The following ZNF350 variants were observed in gnomAD, a reference collection of about 807,000 sequenced individuals.
ZNF350 encodes KRAB zinc finger protein ZFQR.
A neutral mutation model predicts 13.1 loss-of-function variants in ZNF350; 5 were observed. The ratio of observed to expected loss-of-function variants is 0.38; its 90% CI spans 0.20 to 0.80. The LOEUF (loss-of-function observed/expected upper bound fraction) is 0.80, where lower values mean the gene tolerates loss of function less well. Among genes scored for constraint, ZNF350 ranks in the 30% least tolerant of loss-of-function variants. The probability of loss-of-function intolerance (pLI) is 0.43; values close to 1 mark genes in which losing one functional copy is unlikely to be tolerated. For synonymous variants in ZNF350, 199 were observed against 224.2 expected (o/e 0.89, Z 1.00); for missense variants, 534 against 644.2 (o/e 0.83, Z 1.85).
At chr19:51,967,127 A>G (rs2085602959) in intron 4 of ZNF350, among the ~76,000 whole-genome samples, 1 of 152,220 alleles carries the variant, frequency 6.6e-6, no homozygotes, top group Admixed American at 6.5e-5. Flanking sequence ...CTAATAATAA[A>G]GACAGATTTG....
In ZNF350 at chr19:51,969,050, A is replaced by G. The variant is rs547432429; in HGVS notation, c.97T>C (p.Tyr33His). 1 of 1,614,132 alleles carries G rather than the reference A, an allele frequency of 6.2e-7. No homozygotes were observed. The highest frequency in any genetic ancestry group is 1.1e-5 in the South Asian group (1 of 91,088). ...TAGTTCTCCAACATCACATCCCGGT[A>G]CAGGTCCTTCTGAGCAGCGCCCAGG... ...QLLGAAQKDLYRDVMLENYSN... is the reference protein window; with the variant it reads ...QLLGAAQKDLHRDVMLENYSN... The change falls in exon 3 of 5, where the codon TAC becomes CAC. Residue 33 changes from tyrosine to histidine, a missense_variant. Transcript: ENST00000243644.
intron 1 of ZNF350, among the ~76,000 whole-genome samples, chr19:51,986,053 G>A (rs562124758): frequency 3.9e-4 from 60 of 152,228 alleles, no homozygotes; most frequent in African/African-American, 1.4e-3. Context: ...TGAATGCAGA[G>A]GTTGGCAACA....
At chr19:51,986,170 A>G (rs1412825666) in intron 1 of ZNF350, among the ~76,000 whole-genome samples, 1 of 152,192 alleles carries the variant, frequency 6.6e-6, no homozygotes, top group Middle Eastern at 3.4e-3. Context: ...TGACCCCCCG[A>G]TCTGTAAATA....
At chr19:51,972,947 C>CTT (rs375399970) in intron 2 of ZNF350, 8,351 of 129,414 alleles carry the variant, frequency 0.065, 575 homozygotes, top group African/African-American at 0.16. Flanking sequence ...CAGCCAGAAA[C>CTT]TTTTTTTTTT....
intron 2 of ZNF350, 200 bp downstream of exon 2, chr19:51,974,146 A>G: frequency 2.0e-6 from 1 of 489,900 alleles, no homozygotes; most frequent in Non-Finnish European, 3.6e-6. Flanking sequence ...AAAATTCATA[A>G]TTTAGTGTTA....
rs1310351864 is a variant in ZNF350, at chr19:51,965,620, T to C, written c.833A>G (p.Asn278Ser). 6.2e-7 allele frequency: 1 copy of C among 1,614,094 alleles called. No individual in the cohort carries two copies. The highest frequency in any genetic ancestry group is 8.5e-7 in the Non-Finnish European group (1 of 1,180,042). Residue 278 changes from asparagine to serine, a missense_variant, in exon 5 of 5, where the codon AAC becomes AGC. Physicochemically the swap from Asn to Ser is conservative, Grantham distance 46 (BLOSUM62 1). Transcript: ENST00000243644. ...GKAFLKKSRLNIHQKTHTGEK... is the reference protein window; with the variant it reads ...GKAFLKKSRLSIHQKTHTGEK... ...TCCGGTATGTGTTTTCTGATGTATGTTGAGCCGTGATTTCTTGAGAAAGGC... is the reference window on the plus strand; with the variant it reads ...TCCGGTATGTGTTTTCTGATGTATGCTGAGCCGTGATTTCTTGAGAAAGGC...
At chr19:51,970,497 TA>T (rs1339313360) in intron 2 of ZNF350, among the ~76,000 whole-genome samples, 1 of 152,162 alleles carries the variant, frequency 6.6e-6, no homozygotes, top group South Asian at 2.1e-4. Flanking sequence ...TTCAGATGCT[TA>T]AAAAATATAT....
chr19:51,971,912 C>T (rs1441576502), intron 2 of ZNF350, among the ~76,000 whole-genome samples: 1 of 152,168 alleles, frequency 6.6e-6, no homozygotes, highest in Non-Finnish European at 1.5e-5. Flanking sequence ...GGCCTAGTGA[C>T]TTACCTCTAT....
chr19:51,980,427 TG>T (rs2086004875), intron 1 of ZNF350, among the ~76,000 whole-genome samples: 1 of 152,238 alleles, frequency 6.6e-6, no homozygotes, highest in Non-Finnish European at 1.5e-5. Flanking sequence ...TGATATCTTC[TG>T]TAACTCTGCA....
At chr19:51,971,594 C>T (rs944210088) in intron 2 of ZNF350, among the ~76,000 whole-genome samples, 2 of 152,210 alleles carry the variant, frequency 1.3e-5, no homozygotes, top group East Asian at 3.9e-4. Context: ...AGGTTATCTA[C>T]TGCAACATTT....
In ZNF350 at chr19:51,965,951, T is replaced by C. The variant is rs1482208636; in HGVS notation, c.502A>G (p.Asn168Asp). 6 of 1,614,110 alleles carry C rather than the reference T, an allele frequency of 3.7e-6. No homozygotes were observed. The South Asian group carries it at 6.6e-5, about 18-fold the overall frequency. ...ATTGCAGTATGAAGTCGTTCATGGTTAGCATGAAGAAAGGAGTCCCCATTT... is the reference window on the plus strand; with the variant it reads ...ATTGCAGTATGAAGTCGTTCATGGTCAGCATGAAGAAAGGAGTCCCCATTT... ...TGNGDSFLHA[N>D]HERLHTAIKF... Residue 168 changes from asparagine to aspartate, a missense_variant, in exon 5 of 5, where the codon AAC becomes GAC. Asn to Asp is a conservative substitution (Grantham distance 23, BLOSUM62 1). Transcript: ENST00000243644.
In ZNF350 at chr19:51,976,723, G is replaced by C. The variant is rs1392242567; in HGVS notation, c.-171-2192C>G. 6.6e-6 allele frequency: 1 copy of C among 152,162 alleles called. No homozygotes were observed. The highest frequency in any genetic ancestry group is 2.4e-5 in the African/African-American group (1 of 41,420). The allele number at this position is 152,162 out of a possible 1,614,324, so 9.4% of individuals were successfully genotyped here. A position where few individuals can be genotyped will look rare whatever the true frequency, so the allele number is the denominator to read the frequency against. On this transcript the variant is annotated intron_variant, in intron 1 of 4. Transcript: ENST00000243644. This position sits in a 1 kb window ranked among gnomAD's most constrained non-coding sequence, Gnocchi z 4.5. ...TTCTGTTGAGACAGTCTGCAGCTCAGGTTAATTCGCAGACACTAACCTCCT... is the reference window on the plus strand; with the variant it reads ...TTCTGTTGAGACAGTCTGCAGCTCACGTTAATTCGCAGACACTAACCTCCT...
chr19:51,971,979 A>T (rs138097703), intron 2 of ZNF350, among the ~76,000 whole-genome samples: 4 of 152,144 alleles, frequency 2.6e-5, no homozygotes, highest in Non-Finnish European at 5.9e-5. Context: ...ATACATGTTT[A>T]AAAAAATTAT....
intron 2 of ZNF350, among the ~76,000 whole-genome samples, chr19:51,970,301 G>A (rs987171442): frequency 2.5e-4 from 38 of 151,864 alleles, no homozygotes; most frequent in African/African-American, 8.0e-4. Context: ...GACCTTAGAC[G>A]ATCCACCCAC....
chr19:51,972,371 C>CG (rs964977432), intron 2 of ZNF350, among the ~76,000 whole-genome samples: 1 of 150,676 alleles, frequency 6.6e-6, no homozygotes, highest in Non-Finnish European at 1.5e-5. Context: ...AACCCACCCC[C>CG]GCCACACACA....
At chr19:51,983,775 T>C (rs1485394101) in intron 1 of ZNF350, among the ~76,000 whole-genome samples, 1 of 152,262 alleles carries the variant, frequency 6.6e-6, no homozygotes, top group East Asian at 1.9e-4. Context: ...CAATAAATAC[T>C]AACAAAACTC....
rs1472771053 is a variant in ZNF350 at position 51,976,667 on chromosome 19, G to A, written c.-171-2136C>T. On this transcript the variant is annotated intron_variant, in intron 1 of 4. Coordinates refer to ENST00000243644, the MANE Select transcript of ZNF350 (RefSeq NM_021632.4). The surrounding 1 kb of genome is among the most constrained non-coding windows in gnomAD (Gnocchi z 4.5). Reference sequence around the variant, plus strand: ...TAACAAGGGAAAGAATTTGTCTATTGAAGAAAAACATTATGTGCAGTTGCT... The same window carrying A: ...TAACAAGGGAAAGAATTTGTCTATTAAAGAAAAACATTATGTGCAGTTGCT... 2 of 152,170 alleles carry A rather than the reference G, an allele frequency of 1.3e-5. No individual in the cohort carries two copies. The highest frequency in any genetic ancestry group is 3.9e-4 in the East Asian group (2 of 5,182). 9.4% of individuals were successfully genotyped at this position (152,170 alleles called of 1,614,324 possible). A position where few individuals can be genotyped will look rare whatever the true frequency, so the allele number is the denominator to read the frequency against.
intron 2 of ZNF350, chr19:51,974,124 G>C (rs1280551824): frequency 2.3e-6 from 1 of 442,140 alleles, no homozygotes; most frequent in African/African-American, 2.0e-5. Flanking sequence ...CTCCAGCCAT[G>C]CATGGTGTCA....
chr19:51,982,108 C>T (rs1220372279), intron 1 of ZNF350: 1 of 152,072 alleles, frequency 6.6e-6, no homozygotes, highest in Non-Finnish European at 1.5e-5. Context: ...TCATTTCCCC[C>T]TCAAGCTAAA....
Sources: allele counts gnomAD v4.1 joint callset (sites outside exome capture counted in the v4.1 genomes callset), GRCh38; gene constraint gnomAD v4.1.1; non-coding constraint Gnocchi (gnomAD v3.1); transcripts MANE v1.5; gene names NCBI Gene and HGNC (gene_info 2026-07-23, HGNC 2026-07-21).